Variants in NCAM2 observed in about 807,000 individuals in gnomAD.
NCAM2 encodes neural cell adhesion molecule 2.
NCAM2 carries 30 observed loss-of-function variants against 98.1 expected under a neutral mutation model. The ratio of observed to expected loss-of-function variants is 0.31; its 90% CI spans 0.23 to 0.41. The LOEUF is 0.41. NCAM2 is among the 10% of genes least tolerant of loss of function. NCAM2 has a pLI of 1.00. For missense variants in NCAM2, 867 were observed against 1,005.8 expected, an observed-to-expected ratio of 0.86 and a Z score of 1.87; for synonymous variants, 368 against 342.4, an observed-to-expected ratio of 1.07 and a Z score of -0.83.
Position 21,338,502 on chromosome 21 carries a change from G to A in NCAM2, c.1012G>A (p.Val338Met). Residue 338 changes from valine to methionine, a missense_variant, in exon 8 of 18, where the codon GTG becomes ATG. By Grantham distance (21) the Val-to-Met change is conservative (BLOSUM62 1). Transcript: ENST00000400546. ...TCCAGAAATCACTTGGAAAAGAGCT[G>A]TGGATGGCTTCACGTTCACTGAAGG... ...PIPEITWKRA[V>M]DGFTFTEGDK... is the part of the protein sequence containing the mutation. 2 of 1,612,416 alleles carry A rather than the reference G, an allele frequency of 1.2e-6. No individual in the cohort carries two copies. The highest frequency in any genetic ancestry group is 2.2e-5 in the South Asian group (2 of 90,964).
intron 1 of NCAM2, among the ~76,000 whole-genome samples, chr21:21,052,719 A>G (rs529515110): frequency 3.9e-5 from 6 of 152,306 alleles, no homozygotes; most frequent in African/African-American, 1.4e-4. Context: ...GTTTAGACAG[A>G]TTAGAAACAC....
chr21:21,461,963 T>A (rs1983040193), intron 12 of NCAM2, among the ~76,000 whole-genome samples: 1 of 152,050 alleles, frequency 6.6e-6, no homozygotes, highest in African/African-American at 2.4e-5. Context: ...TAAAAAATTA[T>A]TTTTATTTTG....
intron 14 of NCAM2, among the ~76,000 whole-genome samples, chr21:21,469,770 A>T (rs1984191086): frequency 6.6e-6 from 1 of 152,042 alleles, no homozygotes. Flanking sequence ...TTAATAATTA[A>T]TTTTAGATAT....
At chr21:21,221,146 G>A (rs2070132396) in intron 1 of NCAM2, among the ~76,000 whole-genome samples, 1 of 152,104 alleles carries the variant, frequency 6.6e-6, no homozygotes. Context: ...ATATAAGACG[G>A]TGAATCCTTC....
intron 12 of NCAM2, among the ~76,000 whole-genome samples, chr21:21,439,953 C>T (rs191547381): frequency 2.6e-5 from 4 of 152,176 alleles, no homozygotes; most frequent in Non-Finnish European, 5.9e-5. Context: ...ATGAAACTTC[C>T]CAAATCTCTT....
chr21:21,068,144 T>C (rs1451295157), intron 1 of NCAM2, among the ~76,000 whole-genome samples: 5 of 145,588 alleles, frequency 3.4e-5, no homozygotes, highest in Non-Finnish European at 6.0e-5. Context: ...TCTTTTTTTT[T>C]TTTTTTTTTT....
chr21:21,486,708 G>C (rs1049458463), intron 15 of NCAM2, among the ~76,000 whole-genome samples: 4 of 152,126 alleles, frequency 2.6e-5, no homozygotes, highest in African/African-American at 9.7e-5. Context: ...TATTTAGTAA[G>C]TTAGTGCAAA....
intron 1 of NCAM2, among the ~76,000 whole-genome samples, chr21:21,001,962 A>C (rs1412985526): frequency 6.6e-6 from 1 of 152,148 alleles, no homozygotes; most frequent in Non-Finnish European, 1.5e-5. Context: ...ATTACAGGAG[A>C]GAGCTCCACA....
chr21:21,155,684 G>C (rs904171838), intron 1 of NCAM2, among the ~76,000 whole-genome samples: 2 of 151,754 alleles, frequency 1.3e-5, no homozygotes, highest in South Asian at 4.2e-4. Context: ...AGAAACTATG[G>C]TTATATACAG....
intron 1 of NCAM2, among the ~76,000 whole-genome samples, chr21:21,138,714 G>A (rs2067110424): frequency 6.6e-6 from 1 of 152,012 alleles, no homozygotes; most frequent in African/African-American, 2.4e-5. Flanking sequence ...AGTGTATTTT[G>A]ATTTGAAAAA....
chr21:21,116,917 G>A (rs1418420210), intron 1 of NCAM2, among the ~76,000 whole-genome samples: 3 of 151,326 alleles, frequency 2.0e-5, no homozygotes, highest in Non-Finnish European at 2.9e-5. Flanking sequence ...TTGAATAAAC[G>A]AAGAAAGCTC....
At chr21:21,385,841 T>C (rs1454332499) in intron 9 of NCAM2, 2 of 163,046 alleles carry the variant, frequency 1.2e-5, no homozygotes, top group Non-Finnish European at 2.6e-5. Context: ...TTAGACTTAA[T>C]TATTTTATGT....
In NCAM2 at chr21:21,522,119, A is replaced by G. The variant is rs556238219; in HGVS notation, c.2283-12418A>G. 6.1e-5 allele frequency among the ~76,000 whole-genome samples: 9 copies of G among 148,062 alleles called. 1 individual carries two copies. The South Asian group carries it at 1.7e-3, about 28-fold the overall frequency. On this transcript the variant is annotated intron_variant, in intron 16 of 17. Coordinates refer to ENST00000400546, the MANE Select transcript of NCAM2 (RefSeq NM_004540.5). Reference sequence around the variant, plus strand: ...ATGAATAAGAATATATATGAATACTATATTTATATATAAATATGAATATAT... The same window carrying G: ...ATGAATAAGAATATATATGAATACTGTATTTATATATAAATATGAATATAT...
intron 16 of NCAM2, among the ~76,000 whole-genome samples, chr21:21,512,790 G>T (rs1431776070): frequency 2.6e-5 from 4 of 151,900 alleles, no homozygotes; most frequent in Admixed American, 2.0e-4. Context: ...TCATTGTAGA[G>T]ATGTTTTACT....
chr21:21,506,384 G>C (rs1987979767), intron 15 of NCAM2, among the ~76,000 whole-genome samples: 1 of 152,054 alleles, frequency 6.6e-6, no homozygotes, highest in African/African-American at 2.4e-5. Context: ...TGTAATGATA[G>C]ATTCAGAAGT....
At chr21:21,174,878 G>T (rs1056812494) in intron 1 of NCAM2, among the ~76,000 whole-genome samples, 5 of 152,074 alleles carry the variant, frequency 3.3e-5, no homozygotes, top group Admixed American at 6.5e-5. Context: ...GATAAAGAAT[G>T]ATCTGAGATA....
At chr21:21,387,448 T>C (rs2076294471) in intron 9 of NCAM2, among the ~76,000 whole-genome samples, 1 of 152,060 alleles carries the variant, frequency 6.6e-6, no homozygotes, top group African/African-American at 2.4e-5. Context: ...AAGTACAGAA[T>C]TTCCACAGCG....
chr21:21,127,522 T>A (rs902874603), intron 1 of NCAM2, among the ~76,000 whole-genome samples: 1 of 152,250 alleles, frequency 6.6e-6, no homozygotes, highest in South Asian at 2.1e-4. Flanking sequence ...GTAACTATAG[T>A]AGCCTTATTG....
At chr21:21,134,064 CTT>C (rs36062789) in intron 1 of NCAM2, among the ~76,000 whole-genome samples, 6,685 of 137,418 alleles carry the variant, frequency 0.049, 513 homozygotes, top group African/African-American at 0.16. Context: ...CACTTCCTCT[CTT>C]TTTTTTTTTT....
Sources: gnomAD v4.1 joint callset for allele counts (sites outside exome capture counted in the v4.1 genomes callset) on GRCh38, gnomAD v4.1.1 for gene constraint, MANE v1.5 for transcripts, NCBI Gene and HGNC (gene_info 2026-07-23, HGNC 2026-07-21) for gene names.